ANAPC1: variants seen among roughly 807,000 people sequenced by gnomAD.
ANAPC1 encodes the protein anaphase-promoting complex subunit 1.
In ANAPC1, 36 loss-of-function variants were observed where a neutral mutation model predicts 208.0. That is an observed-to-expected ratio of 0.17 (90% CI 0.13 to 0.23). The LOEUF is 0.23. Ranked by LOEUF, ANAPC1 falls within the 10% of genes least tolerant of loss-of-function variation. ANAPC1 has a pLI of 1.00. For synonymous variants in ANAPC1, 378 were observed against 695.2 expected, an observed-to-expected ratio of 0.54 and a Z score of 7.18; for missense variants, 942 against 2,011.6, an observed-to-expected ratio of 0.47 and a Z score of 10.17.
At chr2:111,841,623 G>A (rs1680769060) in intron 17 of ANAPC1, among the ~76,000 whole-genome samples, 1 of 152,098 alleles carries the variant, frequency 6.6e-6, no homozygotes, top group African/African-American at 2.4e-5. Context: ...GAGCAGGAAG[G>A]TGAGCAAGGG....
intron 20 of ANAPC1, among the ~76,000 whole-genome samples, chr2:111,832,114 G>A (rs1412471868): frequency 1.3e-5 from 2 of 149,364 alleles, no homozygotes; most frequent in African/African-American, 2.5e-5. Flanking sequence ...CCAACATGGT[G>A]AAACCCCATC....
chr2:111,843,721 C>T (rs1680895556), intron 16 of ANAPC1, 122 bp from the exon 17 acceptor site: 1 of 652,038 alleles, frequency 1.5e-6, no homozygotes, highest in Non-Finnish European at 2.5e-6. Flanking sequence ...AGAAAACTGT[C>T]ATTAAAGAGC....
intron 7 of ANAPC1, among the ~76,000 whole-genome samples, chr2:111,865,417 C>A (rs1682349497): frequency 6.6e-6 from 1 of 151,976 alleles, no homozygotes; most frequent in Non-Finnish European, 1.5e-5. Flanking sequence ...GTTACACATG[C>A]AAAATAAGGT....
At chr2:111,836,106 G>T (rs1680452708) in intron 18 of ANAPC1, among the ~76,000 whole-genome samples, 1 of 151,616 alleles carries the variant, frequency 6.6e-6, no homozygotes, top group South Asian at 2.1e-4. Flanking sequence ...TCCAACCTCA[G>T]CCTCCAAGTA....
intron 14 of ANAPC1, among the ~76,000 whole-genome samples, chr2:111,848,723 G>A (rs535407457): frequency 1.3e-4 from 20 of 151,584 alleles, no homozygotes; most frequent in African/African-American, 3.9e-4. Context: ...GTTGCAGTAC[G>A]GTGAGATTGC....
At chr2:111,850,124 G>A (rs1681307319) in intron 14 of ANAPC1, among the ~76,000 whole-genome samples, 1 of 151,994 alleles carries the variant, frequency 6.6e-6, no homozygotes, top group African/African-American at 2.4e-5. Flanking sequence ...CTCAAAAAAG[G>A]TTATTATTGT....
chr2:111,825,275 A>G, intron 22 of ANAPC1, 108 bp from the exon 23 acceptor site: 1 of 1,273,942 alleles, frequency 7.8e-7, no homozygotes, highest in African/African-American at 1.5e-5. Context: ...AACAACATCT[A>G]AAAAAAAATA....
rs577162091 is a variant in ANAPC1, at chr2:111,772,154, A to T, written c.5719+187T>A. On this transcript the variant is annotated intron_variant, in intron 47 of 47. Transcript: ENST00000341068. The stretch of plus-strand genomic sequence containing the variant: ...AAGAAGAATCCATCCTTTTCTGAAT[A>T]AAAATGAAAGTTATTCATATATAAA... Among the ~76,000 whole-genome samples the T allele has an allele frequency of 4.8e-5, 7 of 146,498 alleles. No individual in the cohort carries two copies. The South Asian group carries it at 1.6e-3, about 33-fold the overall frequency.
chr2:111,778,051 C>T (rs1232718030), intron 45 of ANAPC1, among the ~76,000 whole-genome samples: 2 of 152,256 alleles, frequency 1.3e-5, no homozygotes, highest in African/African-American at 4.8e-5. Context: ...GGCTTAACTC[C>T]AAATCTGGGT....
intron 47 of ANAPC1, among the ~76,000 whole-genome samples, chr2:111,770,655 T>C (rs1400885522): frequency 2.1e-5 from 3 of 144,444 alleles, no homozygotes; most frequent in Admixed American, 6.9e-5. Context: ...GTTTGTTTAC[T>C]TTCTACTTGT....
At chr2:111,832,951 A>AAAAAAAAAAAAAAAAAAAC (rs1680235906) in intron 20 of ANAPC1, among the ~76,000 whole-genome samples, 1 of 150,176 alleles carries the variant, frequency 6.7e-6, no homozygotes, top group African/African-American at 2.4e-5. Flanking sequence ...AAAAAAAAAA[A>AAAAAAAAAAAAAAAAAAAC]AAAAAGCATC....
At chr2:111,877,189 A>G (rs1573522945) in intron 3 of ANAPC1, among the ~76,000 whole-genome samples, 1 of 148,984 alleles carries the variant, frequency 6.7e-6, no homozygotes, top group African/African-American at 2.5e-5. Context: ...TACTTCTCTA[A>G]CATCAGCTAC....
chr2:111,869,526 G>A (rs1293964672), intron 6 of ANAPC1, among the ~76,000 whole-genome samples: 5 of 152,282 alleles, frequency 3.3e-5, no homozygotes, highest in South Asian at 4.1e-4. Context: ...GATTACAGAC[G>A]TGGGCCACCG....
chr2:111,788,805 G>C (rs1436448190), intron 38 of ANAPC1, among the ~76,000 whole-genome samples: 1 of 151,658 alleles, frequency 6.6e-6, no homozygotes, highest in African/African-American at 2.4e-5. Context: ...GATTCCTTTA[G>C]AATGACTGAC....
At chr2:111,766,813 T>C (rs1308159724), downstream of ANAPC1, 1 of 378,286 alleles carries the variant, frequency 2.6e-6, no homozygotes, top group Admixed American at 3.7e-5. Flanking sequence ...CCCCACCTTA[T>C]TGCTTCCTCT....
chr2:111,832,351 TA>T (rs1252275145), intron 20 of ANAPC1, among the ~76,000 whole-genome samples: 1 of 146,764 alleles, frequency 6.8e-6, no homozygotes, highest in African/African-American at 2.5e-5. Flanking sequence ...AATCTTGCCC[TA>T]AACCTAAAGG....
intron 20 of ANAPC1, among the ~76,000 whole-genome samples, chr2:111,833,007 G>C (rs1680240956): frequency 6.7e-6 from 1 of 149,840 alleles, no homozygotes; most frequent in South Asian, 2.1e-4. Flanking sequence ...CAGAACCTTA[G>C]GGATGGGTAA....
At chr2:111,854,365 A>G (rs948189201) in intron 13 of ANAPC1, among the ~76,000 whole-genome samples, 2 of 152,190 alleles carry the variant, frequency 1.3e-5, no homozygotes, top group African/African-American at 2.4e-5. Flanking sequence ...CAGGCAGAGC[A>G]GACTTGGCAT....
In ANAPC1 at chr2:111,812,287, A is replaced by C. The variant is rs574199441; in HGVS notation, c.3597+3083T>G. 2.7e-4 allele frequency among the ~76,000 whole-genome samples: 22 copies of C among 81,550 alleles called. 8 individuals are homozygous for C. In the South Asian group the frequency reaches 9.8e-3, roughly 36 times the overall value. The allele number at this position is 81,550 out of a possible 152,430, so 53.5% of individuals were successfully genotyped here. On this transcript the variant is annotated intron_variant, in intron 28 of 47. Coordinates refer to ENST00000341068, the MANE Select transcript of ANAPC1 (RefSeq NM_022662.4). ...CAACTAGACTCTTAGAGCTTCAGAGAAGCAGGCAGCTTTACAGGTCACTGA... is the reference window on the plus strand; with the variant it reads ...CAACTAGACTCTTAGAGCTTCAGAGCAGCAGGCAGCTTTACAGGTCACTGA...
Sources: allele counts gnomAD v4.1 joint callset (sites outside exome capture counted in the v4.1 genomes callset), GRCh38; gene constraint gnomAD v4.1.1; transcripts MANE v1.5; gene names NCBI Gene and HGNC (gene_info 2026-07-23, HGNC 2026-07-21).